CNTNAP2: variants seen among roughly 807,000 people sequenced by gnomAD.
The protein encoded by CNTNAP2 is contactin associated protein 2, also known as contactin-associated protein-like 2.
Under a neutral mutation model 155.2 loss-of-function variants are expected in CNTNAP2, and 98 were observed. The observed-to-expected ratio is 0.63, with a 90% CI of 0.54 to 0.75. The LOEUF is 0.75. Among genes scored for constraint, CNTNAP2 ranks in the 30% least tolerant of loss-of-function variants. The pLI is 0.00. For missense variants in CNTNAP2, 1,727 were observed against 1,688.1 expected (o/e 1.02, Z -0.40); for synonymous variants, 651 against 631.2 (o/e 1.03, Z -0.47).
intron 15 of CNTNAP2, among the ~76,000 whole-genome samples, chr7:148,065,397 C>T (rs1371033429): frequency 6.6e-6 from 1 of 152,052 alleles, no homozygotes; most frequent in African/African-American, 2.4e-5. Flanking sequence ...TGAAGCCCCC[C>T]AATATTGTTG....
chr7:146,660,882 TCCGTGGCTCTTAGCCACCTCA>T lies in CNTNAP2; in HGVS notation c.98-113386_98-113366del, dbSNP rs1486799892. 9.8e-5 allele frequency among the ~76,000 whole-genome samples: 15 copies of T among 152,334 alleles called. No individual in the cohort carries two copies. In the East Asian group the frequency reaches 2.9e-3, roughly 29 times the overall value. ...CCAGTCCCTCAACCTTTCCTTGTATTCCGTGGCTCTTAGCCACCTCACCATAGCAAGAAGTGAGGCGGGGAA... is the reference window on the plus strand; with the variant it reads ...CCAGTCCCTCAACCTTTCCTTGTATTCCATAGCAAGAAGTGAGGCGGGGAA... On this transcript the variant is annotated intron_variant, in intron 1 of 23. Transcript: ENST00000361727.
chr7:148,341,304 G>A (rs945648976), intron 21 of CNTNAP2, among the ~76,000 whole-genome samples: 7 of 150,358 alleles, frequency 4.7e-5, no homozygotes, highest in African/African-American at 1.7e-4. Context: ...TTAATCAGTA[G>A]CTGAGCTATA....
chr7:147,390,759 C>T (rs1287483222), intron 9 of CNTNAP2, among the ~76,000 whole-genome samples: 1 of 152,034 alleles, frequency 6.6e-6, no homozygotes, highest in Non-Finnish European at 1.5e-5. Context: ...TCACACGGAG[C>T]AGCACTGATT....
chr7:146,926,866 A>T (rs1241599808), intron 3 of CNTNAP2, among the ~76,000 whole-genome samples: 1 of 152,268 alleles, frequency 6.6e-6, no homozygotes, highest in African/African-American at 2.4e-5. Context: ...TTATCAAAAA[A>T]TGTGATACAT....
intron 13 of CNTNAP2, among the ~76,000 whole-genome samples, chr7:147,804,585 A>T (rs1798060993): frequency 6.6e-6 from 1 of 151,410 alleles, no homozygotes; most frequent in Non-Finnish European, 1.5e-5. Context: ...ACAGGGTCTC[A>T]CTTTGTCACC....
At chr7:148,229,843 C>T (rs564750238) in intron 20 of CNTNAP2, 64 bp downstream of exon 20, 3 of 1,596,792 alleles carry the variant, frequency 1.9e-6, no homozygotes, top group South Asian at 1.1e-5. Flanking sequence ...CCCTATAATG[C>T]TTGGCCATTG....
chr7:147,361,515 C>A (rs1796147221), intron 9 of CNTNAP2, among the ~76,000 whole-genome samples: 2 of 152,146 alleles, frequency 1.3e-5, no homozygotes, highest in African/African-American at 2.4e-5. Flanking sequence ...GCCTTATCTT[C>A]TCACTAATAA....
intron 2 of CNTNAP2, among the ~76,000 whole-genome samples, chr7:146,794,424 C>A (rs531768363): frequency 6.6e-6 from 1 of 152,070 alleles, no homozygotes; most frequent in Admixed American, 6.5e-5. Context: ...CATTCTTTAA[C>A]AAGGATAATA....
chr7:146,659,469 T>G (rs1051071981), intron 1 of CNTNAP2, among the ~76,000 whole-genome samples: 9 of 152,162 alleles, frequency 5.9e-5, no homozygotes, highest in Non-Finnish European at 1.5e-5. Context: ...GTCCTGCTAT[T>G]TTAATATGTT....
chr7:146,831,669 CAAAAAAAAAA>C (rs531970313), intron 2 of CNTNAP2, among the ~76,000 whole-genome samples: 2 of 16,806 alleles, frequency 1.2e-4, no homozygotes, highest in African/African-American at 3.5e-4. Context: ...AGCAAGACGC[CAAAAAAAAAA>C]AAAAAAAAAA....
At chr7:147,567,683 GA>G (rs940599714) in intron 12 of CNTNAP2, among the ~76,000 whole-genome samples, 5 of 152,142 alleles carry the variant, frequency 3.3e-5, no homozygotes, top group African/African-American at 1.2e-4. Flanking sequence ...GGAAAACTAG[GA>G]AAAGGGTAAG....
rs1364574688 is a variant in CNTNAP2, at chr7:148,365,771, T to C, written c.3476-17878T>C. ...GTATACATGTATGTGTATACGTGTATACATGTATGTGTATGCATGTATACA... is the reference window on the plus strand; with the variant it reads ...GTATACATGTATGTGTATACGTGTACACATGTATGTGTATGCATGTATACA... On this transcript the variant is annotated intron_variant, in intron 21 of 23. Transcript: ENST00000361727. Among the ~76,000 whole-genome samples, 195 of 100,298 alleles carry C rather than the reference T, an allele frequency of 1.9e-3. 42 individuals are homozygous for C. Among genetic ancestry groups the C allele is most frequent in the African/African-American group, 6.9e-3 (189 of 27,444 alleles). 65.8% of individuals were successfully genotyped at this position (100,298 alleles called of 152,430 possible). A position where few individuals can be genotyped will look rare whatever the true frequency, so the allele number is the denominator to read the frequency against.
intron 17 of CNTNAP2, among the ~76,000 whole-genome samples, chr7:148,170,949 A>G: frequency 6.6e-6 from 1 of 152,198 alleles, no homozygotes; most frequent in East Asian, 1.9e-4. Context: ...AGAAACATGT[A>G]CATCTATGAG....
intron 2 of CNTNAP2, among the ~76,000 whole-genome samples, chr7:146,838,319 A>T (rs1449932859): frequency 1.3e-5 from 2 of 151,966 alleles, no homozygotes; most frequent in East Asian, 3.9e-4. Context: ...TTAAAATTTT[A>T]TTTTATTTTA....
At chr7:146,850,101 A>T (rs1460061359) in intron 3 of CNTNAP2, among the ~76,000 whole-genome samples, 1 of 152,202 alleles carries the variant, frequency 6.6e-6, no homozygotes. Flanking sequence ...AAATAGCTTA[A>T]TTATAGGCTG....
intron 13 of CNTNAP2, among the ~76,000 whole-genome samples, chr7:147,801,572 T>G (rs1797986350): frequency 1.3e-5 from 2 of 151,890 alleles, no homozygotes; most frequent in Non-Finnish European, 2.9e-5. Flanking sequence ...AAGCACATCT[T>G]GCACCGCCCT....
intron 1 of CNTNAP2, among the ~76,000 whole-genome samples, chr7:146,581,039 G>C (rs1367081586): frequency 6.6e-6 from 1 of 152,080 alleles, no homozygotes; most frequent in Non-Finnish European, 1.5e-5. Flanking sequence ...ACTGAATCAT[G>C]ATGAAGGCTA....
intron 14 of CNTNAP2, among the ~76,000 whole-genome samples, chr7:147,942,828 G>C (rs147320765): frequency 6.6e-6 from 1 of 152,066 alleles, no homozygotes; most frequent in Non-Finnish European, 1.5e-5. Flanking sequence ...ACGAGGTCAG[G>C]AGATCGAGAC....
At chr7:146,612,931 C>T (rs1202012576) in intron 1 of CNTNAP2, among the ~76,000 whole-genome samples, 9 of 139,356 alleles carry the variant, frequency 6.5e-5, no homozygotes, top group African/African-American at 1.1e-4. Flanking sequence ...TAACATCTGT[C>T]TTTTTTTTTT....
Sources: gnomAD v4.1 joint callset for allele counts (sites outside exome capture counted in the v4.1 genomes callset) on GRCh38, gnomAD v4.1.1 for gene constraint, MANE v1.5 for transcripts, NCBI Gene and HGNC (gene_info 2026-07-23, HGNC 2026-07-21) for gene names.